The following NCAM1 variants were observed in gnomAD, a reference collection of about 807,000 sequenced individuals.
The protein encoded by NCAM1 is antigen recognized by monoclonal antibody 5.1H11.
A neutral mutation model predicts 109.8 loss-of-function variants in NCAM1; 14 were observed. That is an observed-to-expected ratio of 0.13 (90% CI 0.08 to 0.20). The LOEUF (loss-of-function observed/expected upper bound fraction) is 0.20. Ranked by LOEUF, NCAM1 falls within the 10% of genes least tolerant of loss-of-function variation. The probability of loss-of-function intolerance (pLI) is 1.00; values close to 1 mark genes in which losing one functional copy is unlikely to be tolerated. For synonymous variants in NCAM1, 418 were observed against 442.9 expected (o/e 0.94, Z 0.70); for missense variants, 774 against 1,109.9 (o/e 0.70, Z 4.30).
intron 1 of NCAM1, among the ~76,000 whole-genome samples, chr11:113,035,141 C>T (rs76515342): frequency 5.3e-4 from 81 of 152,284 alleles, no homozygotes; most frequent in African/African-American, 1.6e-3. Flanking sequence ...AAAACCCATA[C>T]ATTCCTAGTT....
chr11:113,127,273 C>A (rs1289913851), intron 1 of NCAM1, among the ~76,000 whole-genome samples: 1 of 152,124 alleles, frequency 6.6e-6, no homozygotes, highest in Middle Eastern at 3.2e-3. Context: ...ACAGACACTG[C>A]CGTAGAATAA....
chr11:113,123,187 A>T (rs1398072052), intron 1 of NCAM1, among the ~76,000 whole-genome samples: 1 of 152,158 alleles, frequency 6.6e-6, no homozygotes, highest in Non-Finnish European at 1.5e-5. Flanking sequence ...GCAACAATAT[A>T]TATTTCAAAA....
At position 113,252,423 on chromosome 11, in the gene NCAM1, A is replaced by G. The variant is rs1488453367; in HGVS notation, c.1829-3454A>G. ...CCTGTCTCAAAAAAAAAAAAAAAAA[A>G]AGTCATAGGAAGCATTATGTATCCG... On this transcript the variant is annotated intron_variant, in intron 15 of 19. Coordinates refer to ENST00000316851, the MANE Select transcript of NCAM1 (RefSeq NM_181351.5). Among the ~76,000 whole-genome samples, 50 of 151,844 alleles carry G rather than the reference A, an allele frequency of 3.3e-4. 1 individual carries two copies. Among genetic ancestry groups the G allele is most frequent in the Admixed American group, 3.0e-3 (45 of 15,242 alleles).
At chr11:113,138,499 G>T (rs1941694098) in intron 1 of NCAM1, among the ~76,000 whole-genome samples, 1 of 152,210 alleles carries the variant, frequency 6.6e-6, no homozygotes, top group South Asian at 2.1e-4. Flanking sequence ...AGCAGGAACT[G>T]CCAGAGAATT....
At chr11:113,224,294 A>G (rs79969514) in intron 9 of NCAM1, among the ~76,000 whole-genome samples, 1 of 152,214 alleles carries the variant, frequency 6.6e-6, no homozygotes, top group Non-Finnish European at 1.5e-5. Flanking sequence ...TATCCCGCGC[A>G]TGGCTCAGAG....
chr11:113,193,452 C>A (rs768112555), intron 1 of NCAM1, among the ~76,000 whole-genome samples: 3 of 152,118 alleles, frequency 2.0e-5, no homozygotes, highest in Non-Finnish European at 4.4e-5. Flanking sequence ...TCGAGACCAG[C>A]CTGGTGAACA....
At chr11:113,130,569 A>C (rs1941348142) in intron 1 of NCAM1, 1 of 152,230 alleles carries the variant, frequency 6.6e-6, no homozygotes, top group African/African-American at 2.4e-5. Context: ...TAATAGGCTG[A>C]ATTCTGCCCA....
intron 1 of NCAM1, among the ~76,000 whole-genome samples, chr11:113,020,237 T>G (rs1379245565): frequency 6.6e-6 from 1 of 152,218 alleles, no homozygotes. Context: ...TTTGTGAATA[T>G]TTTCATTGCA....
chr11:113,037,332 T>C (rs12418058), intron 1 of NCAM1, among the ~76,000 whole-genome samples: 6,372 of 152,284 alleles, frequency 0.042, 451 homozygotes, highest in Admixed American at 0.14. Context: ...TTGTGAGCTG[T>C]AATCCCTTTG....
intron 15 of NCAM1, among the ~76,000 whole-genome samples, chr11:113,250,953 A>G (rs1945660064): frequency 7.3e-6 from 1 of 137,710 alleles, no homozygotes; most frequent in Admixed American, 7.7e-5. Context: ...GCATGCCACC[A>G]TGCCCAGATA....
At chr11:113,047,520 C>T (rs187005036) in intron 1 of NCAM1, among the ~76,000 whole-genome samples, 265 of 152,232 alleles carry the variant, frequency 1.7e-3, no homozygotes, top group Non-Finnish European at 2.8e-3. Context: ...TTTCCCTGTC[C>T]CACCTGCTCT....
rs1158016343 is a variant in NCAM1 at position 113,130,090 on chromosome 11, T to C, written c.53-72289T>C. ...GAAGATGGCCACATAGAAGACAGGC[T>C]TTGCCCACTACATCTTCCAAATGTC... On this transcript the variant is annotated intron_variant, in intron 1 of 19. Transcript: ENST00000316851. Among the ~76,000 whole-genome samples the C allele has an allele frequency of 2.6e-5, 4 of 152,172 alleles. No homozygotes were observed. The East Asian group carries it at 7.7e-4, about 29-fold the overall frequency.
At chr11:113,082,068 A>G (rs1325294098) in intron 1 of NCAM1, among the ~76,000 whole-genome samples, 2 of 152,204 alleles carry the variant, frequency 1.3e-5, no homozygotes, top group Admixed American at 6.5e-5. Context: ...TTTCGATTAT[A>G]AGCATATCAA....
intron 1 of NCAM1, among the ~76,000 whole-genome samples, chr11:113,134,837 G>T (rs782223746): frequency 6.6e-6 from 1 of 152,078 alleles, no homozygotes; most frequent in Non-Finnish European, 1.5e-5. Context: ...AATTCAAATC[G>T]TGTTGCTTTG....
At chr11:113,162,423 A>G (rs547361860) in intron 1 of NCAM1, among the ~76,000 whole-genome samples, 2 of 152,268 alleles carry the variant, frequency 1.3e-5, no homozygotes, top group Admixed American at 1.3e-4. Context: ...CTGCTAACAT[A>G]GAAGTCAGGA....
At chr11:113,041,489 C>G (rs1953069883) in intron 1 of NCAM1, among the ~76,000 whole-genome samples, 1 of 151,990 alleles carries the variant, frequency 6.6e-6, no homozygotes, top group Admixed American at 6.6e-5. Context: ...GTCTGTGAAG[C>G]CAGGAGAGTA....
chr11:113,166,172 C>T (rs998077876), intron 1 of NCAM1, among the ~76,000 whole-genome samples: 4 of 152,058 alleles, frequency 2.6e-5, no homozygotes, highest in African/African-American at 9.7e-5. Context: ...ATATTTCCCG[C>T]CTTCTCCCTG....
intron 16 of NCAM1, among the ~76,000 whole-genome samples, chr11:113,259,700 C>CTTTTTTT (rs61638375): frequency 8.8e-6 from 1 of 113,472 alleles, no homozygotes; most frequent in Non-Finnish European, 1.8e-5. Context: ...CCCATCATTG[C>CTTTTTTT]TTTTTTTTTT....
In NCAM1 at chr11:112,999,068, G is replaced by A. The variant is rs544625937; in HGVS notation, c.52+37404G>A. On this transcript the variant is annotated intron_variant, in intron 1 of 19. Coordinates refer to ENST00000316851, the MANE Select transcript of NCAM1 (RefSeq NM_181351.5). ...TCCCACACACCTACCTCCTTCAGAG[G>A]GTATATTTACAGTAAACCATCATTT... 5.3e-5 allele frequency among the ~76,000 whole-genome samples: 8 copies of A among 152,072 alleles called. No homozygotes were observed. In the East Asian group the frequency reaches 1.5e-3, roughly 29 times the overall value.
Sources: gnomAD v4.1 joint callset for allele counts (sites outside exome capture counted in the v4.1 genomes callset) on GRCh38, gnomAD v4.1.1 for gene constraint, MANE v1.5 for transcripts, NCBI Gene and HGNC (gene_info 2026-07-23, HGNC 2026-07-21) for gene names.